FCRLA: variants seen among roughly 807,000 people sequenced by gnomAD.
FCRLA encodes Fc receptor like A, also known as Fc receptor-like A.
FCRLA carries 26 observed loss-of-function variants against 28.4 expected under a neutral mutation model. The ratio of observed to expected loss-of-function variants is 0.91; its 90% CI spans 0.67 to 1.27. The LOEUF (loss-of-function observed/expected upper bound fraction) is 1.27, where lower values mean the gene tolerates loss of function less well. FCRLA is among the 50% of genes most tolerant of loss of function. The pLI is 0.00. For missense variants in FCRLA, 422 were observed against 433.1 expected, an observed-to-expected ratio of 0.97 and a Z score of 0.23; for synonymous variants, 174 against 168.5, an observed-to-expected ratio of 1.03 and a Z score of -0.25.
chr1:161,708,584 C>T (rs940247704), intron 1 of FCRLA, among the ~76,000 whole-genome samples: 3 of 152,206 alleles, frequency 2.0e-5, no homozygotes, highest in African/African-American at 7.2e-5. Context: ...GTAACTTATG[C>T]TCTAATAAAT....
rs1386690325 is a variant in FCRLA at position 161,712,094 on chromosome 1, G to A, written c.660G>A (p.Gly220=). The change falls in exon 4 of 5, where the codon GGG becomes GGA. Residue 220 remains glycine, a synonymous_variant. Coordinates refer to ENST00000236938, the MANE Select transcript of FCRLA (RefSeq NM_032738.4). ...ATGGAAGGATAGTGCAAAGCAGGGG[G>A]CTCTCCTCAGAATTCCAGATCCCCA... ...YKDGRIVQSR[G]LSSEFQIPTA... 1 of 1,614,186 alleles carries A rather than the reference G, an allele frequency of 6.2e-7. No homozygotes were observed. Among genetic ancestry groups the A allele is most frequent in the Non-Finnish European group, 8.5e-7 (1 of 1,180,038 alleles).
At chr1:161,709,230 C>T (rs1682975739) in intron 1 of FCRLA, among the ~76,000 whole-genome samples, 1 of 152,116 alleles carries the variant, frequency 6.6e-6, no homozygotes. Context: ...TGGGCTTAAG[C>T]AATCGTCCTA....
At position 161,711,445 on chromosome 1, in the gene FCRLA, C is replaced by T. The variant is rs1246685788; in HGVS notation, c.470C>T (p.Thr157Ile). 2 of 1,614,122 alleles carry T rather than the reference C, an allele frequency of 1.2e-6. No individual in the cohort carries two copies. Among genetic ancestry groups the T allele is most frequent in the East Asian group, 4.5e-5 (2 of 44,894 alleles). The change falls in exon 3 of 5, where the codon ACA (threonine) becomes ATA (isoleucine). Residue 157 changes from threonine (T) to isoleucine (I), a missense_variant. Coordinates refer to ENST00000236938, the MANE Select transcript of FCRLA (RefSeq NM_032738.4). ...AGCCCTGGTCCTGGGATCCCAGAAA[C>T]AGCATCTGTTGTGGCTATCACAGTC... ...FQSPGPGIPETASVVAITVQE... is the reference protein window; with the variant it reads ...FQSPGPGIPEIASVVAITVQE...
chr1:161,711,857 C>A (rs1683116867), intron 3 of FCRLA, 77 bp from the exon 4 acceptor site: 1 of 1,493,738 alleles, frequency 6.7e-7, no homozygotes, highest in Non-Finnish European at 9.0e-7. Flanking sequence ...GTATGACTCC[C>A]CAAGTCTCTT....
intron 3 of FCRLA, 44 bp from the exon 4 acceptor site, chr1:161,711,890 T>C (rs983551318): frequency 3.1e-5 from 49 of 1,566,458 alleles, no homozygotes; most frequent in Non-Finnish European, 3.8e-5. Flanking sequence ...TCTACCTGTA[T>C]ATAAGATGGC....
chr1:161,712,625 T>A (rs150889292), intron 4 of FCRLA, among the ~76,000 whole-genome samples: 1 of 152,176 alleles, frequency 6.6e-6, no homozygotes, highest in East Asian at 1.9e-4. Context: ...TCCAGGGTGA[T>A]AAGGGGGCTT....
intron 2 of FCRLA, 146 bp from the exon 3 acceptor site, chr1:161,711,062 T>C: frequency 1.4e-6 from 2 of 1,435,138 alleles, no homozygotes; most frequent in Admixed American, 4.2e-5. Context: ...CTCTAAGTCC[T>C]AGGCCCTAGG....
Position 161,711,188 on chromosome 1 carries a change from G to T in FCRLA, c.233-20G>T, listed in dbSNP as rs751404067. The T allele has an allele frequency of 3.8e-6, 6 of 1,599,800 alleles. No individual in the cohort carries two copies. The East Asian group carries it at 9.0e-5, about 24-fold the overall frequency. On this transcript the variant is annotated intron_variant, in intron 2 of 4. Coordinates refer to ENST00000236938, the MANE Select transcript of FCRLA (RefSeq NM_032738.4). Reference sequence around the variant, plus strand: ...CAAGGGAGGCCCTGGGTGACACTCAGCTCTTTCTCTGGACCATAGACTGGC... The same window carrying T: ...CAAGGGAGGCCCTGGGTGACACTCATCTCTTTCTCTGGACCATAGACTGGC...
Position 161,711,231 on chromosome 1 carries a change from G to C in FCRLA, c.256G>C (p.Ala86Pro). 6.2e-7 allele frequency: 1 copy of C among 1,613,924 alleles called. No individual in the cohort carries two copies. Among genetic ancestry groups the C allele is most frequent in the Non-Finnish European group, 8.5e-7 (1 of 1,179,886 alleles). The change falls in exon 3 of 5, where the codon GCC (alanine) becomes CCC (proline). Residue 86 changes from alanine (A) to proline (P), a missense_variant. By Grantham distance (27) the Ala-to-Pro change is conservative (BLOSUM62 -1). This residue lies in a region of FCRLA where 231 missense variants were observed against 214.6 expected (regional missense o/e 1.08). Transcript: ENST00000236938. ...SYDWLILQGP[A>P]KPVFEGDLLV... ...AGACTGGCTGATCCTCCAAGGTCCA[G>C]CCAAGCCAGTTTTTGAAGGGGACCT...
intron 3 of FCRLA, 181 bp from the exon 4 acceptor site, chr1:161,711,753 G>A (rs999012936): frequency 2.5e-5 from 21 of 849,978 alleles, no homozygotes; most frequent in Non-Finnish European, 3.7e-5. Flanking sequence ...CCCATCTGTG[G>A]ATCTTTCCTA....
chr1:161,710,513 A>G (rs1405488195), intron 1 of FCRLA: 2 of 1,549,742 alleles, frequency 1.3e-6, no homozygotes, highest in Non-Finnish European at 1.7e-6. Flanking sequence ...CCATTCTTTC[A>G]TTCTCTCCCC....
Position 161,713,200 on chromosome 1 carries a change from T to G in FCRLA, c.900T>G (p.Ser300=). ...PGPLPPPPTP[S]SEDPGFSSPL... Reference sequence around the variant, plus strand: ...CTCTGCCTCCGCCGCCAACCCCATCTTCTGAGGATCCAGGCTTTTCTTCTC... The same window carrying G: ...CTCTGCCTCCGCCGCCAACCCCATCGTCTGAGGATCCAGGCTTTTCTTCTC... The change falls in exon 5 of 5, where the codon TCT becomes TCG. Residue 300 remains serine, a synonymous_variant. Coordinates refer to ENST00000236938, the MANE Select transcript of FCRLA (RefSeq NM_032738.4). 2 of 1,614,248 alleles carry G rather than the reference T, an allele frequency of 1.2e-6. No individual in the cohort carries two copies. Among genetic ancestry groups the G allele is most frequent in the Non-Finnish European group, 1.7e-6 (2 of 1,180,044 alleles).
Position 161,713,346 on chromosome 1 carries a change from G to A in FCRLA, c.1046G>A (p.Arg349Gln), listed in dbSNP as rs11746. The change falls in exon 5 of 5, where the codon CGG becomes CAG. Residue 349 changes from arginine (R) to glutamine (Q), a missense_variant. This residue lies in a region of FCRLA where 185 missense variants were observed against 198.1 expected (regional missense o/e 0.93). Transcript: ENST00000236938. ...GAGTTGAGGGAATTATCTGGCCACC[G>A]GAAGCCTGGGACCACAAAGGCTACT... is the stretch of plus-strand genomic sequence containing the variant. ...LMELRELSGH[R>Q]KPGTTKATAE 734,858 of 1,613,654 alleles carry A rather than the reference G, an allele frequency of 0.46. 175,379 individuals are homozygous for A. The highest frequency in any genetic ancestry group is 0.54 in the Middle Eastern group (3,259 of 6,062).
rs1355929547 is a variant in FCRLA at position 161,712,031 on chromosome 1, G to A, written c.597G>A (p.Gln199=). 1 of 1,614,098 alleles carries A rather than the reference G, an allele frequency of 6.2e-7. No homozygotes were observed. The highest frequency in any genetic ancestry group is 8.5e-7 in the Non-Finnish European group (1 of 1,180,056). Residue 199 remains glutamine (Q), a synonymous_variant, in exon 4 of 5, where the codon CAG becomes CAA. Transcript: ENST00000236938. ...GTTGTCAGACAAAGTTGCCCCTGCAGAGGTCAGCTGCCCGCCTCCTCTTCT... is the reference window on the plus strand; with the variant it reads ...GTTGTCAGACAAAGTTGCCCCTGCAAAGGTCAGCTGCCCGCCTCCTCTTCT... ...TLSCQTKLPL[Q]RSAARLLFSF... is the part of the protein sequence containing the mutation.
In FCRLA at chr1:161,713,277, A is replaced by G; in HGVS notation, c.977A>G (p.Lys326Arg). 2 of 1,614,204 alleles carry G rather than the reference A, an allele frequency of 1.2e-6. No homozygotes were observed. Among genetic ancestry groups the G allele is most frequent in the Non-Finnish European group, 1.7e-6 (2 of 1,180,028 alleles). ...HLYHQMGLLL[K>R]HMQDVRVLLG... ...TATCACCAGATGGGCCTTCTTCTCA[A>G]ACACATGCAGGATGTGAGAGTCCTC... The change falls in exon 5 of 5, where the codon AAA (lysine) becomes AGA (arginine). Residue 326 changes from lysine (K) to arginine (R), a missense_variant. Transcript: ENST00000236938.
At chr1:161,712,813 C>T (rs1683170643) in intron 4 of FCRLA, among the ~76,000 whole-genome samples, 1 of 152,190 alleles carries the variant, frequency 6.6e-6, no homozygotes, top group African/African-American at 2.4e-5. Flanking sequence ...CACATTCATG[C>T]TTCAGGGAAT....
chr1:161,708,249 C>A (rs1014407237), intron 1 of FCRLA, among the ~76,000 whole-genome samples: 16 of 152,310 alleles, frequency 1.1e-4, no homozygotes, highest in Admixed American at 1.0e-3. Flanking sequence ...AGGCCATAAA[C>A]CTCAGAAACA....
At chr1:161,707,544 C>T in intron 1 of FCRLA, among the ~76,000 whole-genome samples, 1 of 152,280 alleles carries the variant, frequency 6.6e-6, no homozygotes, top group Non-Finnish European at 1.5e-5. Context: ...TCCTGAAAGT[C>T]CCCTCTGATC....
At chr1:161,710,093 G>A (rs140769805) in intron 1 of FCRLA, among the ~76,000 whole-genome samples, 21 of 152,306 alleles carry the variant, frequency 1.4e-4, no homozygotes, top group African/African-American at 5.1e-4. Context: ...GAGGAGCCAA[G>A]TGAAGTTTGG....
Sources: gnomAD v4.1 joint callset for allele counts (sites outside exome capture counted in the v4.1 genomes callset) on GRCh38, gnomAD v4.1.1 for gene constraint, gnomAD v4.1.1 regional missense constraint, MANE v1.5 for transcripts, NCBI Gene and HGNC (gene_info 2026-07-23, HGNC 2026-07-21) for gene names.